PDE8B: variants seen among roughly 807,000 people sequenced by gnomAD.
The protein encoded by PDE8B is high affinity cAMP-specific and IBMX-insensitive 3',5'-cyclic phosphodiesterase 8B.
PDE8B carries 26 observed loss-of-function variants against 101.3 expected under a neutral mutation model. The observed-to-expected ratio is 0.26, with a 90% CI of 0.19 to 0.36. PDE8B has a LOEUF of 0.36. Among genes scored for constraint, PDE8B ranks in the 10% least tolerant of loss-of-function variants. PDE8B has a pLI of 1.00. For synonymous variants in PDE8B, 424 were observed against 429.3 expected, an observed-to-expected ratio of 0.99 and a Z score of 0.15; for missense variants, 810 against 1,163.1, an observed-to-expected ratio of 0.70 and a Z score of 4.42.
At chr5:77,356,122 C>CCTGCCTAAGA (rs1465999877) in intron 10 of PDE8B, among the ~76,000 whole-genome samples, 8 of 152,202 alleles carry the variant, frequency 5.3e-5, no homozygotes, top group Non-Finnish European at 1.5e-5. Context: ...CTTAGGCCAG[C>CCTGCCTAAGA]AACAGTCTGC....
At chr5:77,178,336 C>G in the PDE8B span, among the ~76,000 whole-genome samples, 1 of 152,002 alleles carries the variant, frequency 6.6e-6, no homozygotes, top group Admixed American at 6.6e-5. Context: ...TCAAACTGTC[C>G]TTTAATCTGT....
chr5:77,264,263 A>T (rs1296434909), intron 1 of PDE8B, among the ~76,000 whole-genome samples: 1 of 152,174 alleles, frequency 6.6e-6, no homozygotes, highest in African/African-American at 2.4e-5. Context: ...AGATGTTTTC[A>T]TTTCTTTCAG....
chr5:77,275,247 CACT>C (rs780728186), intron 1 of PDE8B, among the ~76,000 whole-genome samples: 63 of 152,122 alleles, frequency 4.1e-4, no homozygotes, highest in Non-Finnish European at 1.2e-4. Flanking sequence ...TCCCCTTGAT[CACT>C]ACTCCTCCAG....
At chr5:77,389,317 G>A (rs568283616) in intron 10 of PDE8B, among the ~76,000 whole-genome samples, 1 of 152,228 alleles carries the variant, frequency 6.6e-6, no homozygotes, top group Admixed American at 6.5e-5. Flanking sequence ...CCCTTGGATA[G>A]GGGAGGGAAT....
At chr5:77,271,127 G>A (rs970414517) in intron 1 of PDE8B, among the ~76,000 whole-genome samples, 1 of 152,216 alleles carries the variant, frequency 6.6e-6, no homozygotes, top group Non-Finnish European at 1.5e-5. Flanking sequence ...ATGGTGATGA[G>A]TCACTAATAT....
At chr5:77,340,726 G>A (rs939579376) in intron 6 of PDE8B, among the ~76,000 whole-genome samples, 3 of 151,944 alleles carry the variant, frequency 2.0e-5, no homozygotes, top group African/African-American at 7.3e-5. Flanking sequence ...GATTGACAGA[G>A]GAAAACACTG....
At chr5:77,246,021 T>C (rs1038074544) in intron 1 of PDE8B, among the ~76,000 whole-genome samples, 3 of 151,972 alleles carry the variant, frequency 2.0e-5, no homozygotes, top group Admixed American at 6.5e-5. Context: ...CAGCTAACTT[T>C]TTACATTTTT....
At chr5:77,187,296 C>T in the PDE8B span, among the ~76,000 whole-genome samples, 1 of 152,168 alleles carries the variant, frequency 6.6e-6, no homozygotes, top group East Asian at 1.9e-4. Flanking sequence ...GATGCAATTT[C>T]AGTTTTCTTT....
At chr5:77,145,467 G>A in the PDE8B span, 6 of 152,178 alleles carry the variant, frequency 3.9e-5, no homozygotes, top group Admixed American at 3.3e-4. Context: ...AGTAGTGATT[G>A]TACAAGCTTT....
the PDE8B span, among the ~76,000 whole-genome samples, chr5:77,198,701 A>G: frequency 6.6e-6 from 1 of 152,218 alleles, no homozygotes; most frequent in East Asian, 1.9e-4. Context: ...CTGATTTTCT[A>G]GTTGTTAATG....
rs547992261 is a variant in PDE8B at position 77,231,988 on chromosome 5, C to T, written c.339+20724C>T. ...ACAAGGGAGGCTTGTGCAGGCTGCA[C>T]AGATCAGCCTTTCAAGACACAGAGC... On this transcript the variant is annotated intron_variant, in intron 1 of 21. Transcript: ENST00000264917. Among the ~76,000 whole-genome samples, 9 of 152,358 alleles carry T rather than the reference C, an allele frequency of 5.9e-5. No individual in the cohort carries two copies. In the South Asian group the frequency reaches 6.2e-4, roughly 11 times the overall value.
chr5:77,382,120 A>G (rs925397619), intron 10 of PDE8B, among the ~76,000 whole-genome samples: 1 of 152,218 alleles, frequency 6.6e-6, no homozygotes, highest in African/African-American at 2.4e-5. Flanking sequence ...TATTATGAAA[A>G]TCTTTAACCA....
rs116717774 is a variant in PDE8B at position 77,216,384 on chromosome 5, C to T, written c.339+5120C>T. Reference sequence around the variant, plus strand: ...GAGGCCTCACAATCATGGCCAAAGGCGAAAGGCATGTCTTACATGGTGGCA... The same window carrying T: ...GAGGCCTCACAATCATGGCCAAAGGTGAAAGGCATGTCTTACATGGTGGCA... On this transcript the variant is annotated intron_variant, in intron 1 of 21. Transcript: ENST00000264917. Among the ~76,000 whole-genome samples the T allele has an allele frequency of 7.5e-3, 1,145 of 152,162 alleles. 9 individuals carry two copies. The highest frequency in any genetic ancestry group is 0.018 in the African/African-American group (732 of 41,504).
intron 19 of PDE8B, among the ~76,000 whole-genome samples, chr5:77,421,285 G>A (rs913016561): frequency 1.3e-5 from 2 of 152,178 alleles, no homozygotes; most frequent in Non-Finnish European, 2.9e-5. Context: ...ACCAAAGTGC[G>A]AGAGAGTTGG....
intron 10 of PDE8B, among the ~76,000 whole-genome samples, chr5:77,395,896 G>C (rs895902665): frequency 9.2e-5 from 14 of 152,130 alleles, no homozygotes; most frequent in African/African-American, 3.4e-4. Flanking sequence ...ACGTAGCATT[G>C]GGGCCGACCC....
chr5:77,319,435 G>A (rs982287001), intron 2 of PDE8B, among the ~76,000 whole-genome samples: 2 of 152,036 alleles, frequency 1.3e-5, no homozygotes, highest in East Asian at 1.9e-4. Context: ...CTATCTCTCC[G>A]TGATAAACCC....
At chr5:77,401,684 G>A (rs1413275156) in intron 11 of PDE8B, among the ~76,000 whole-genome samples, 3 of 151,702 alleles carry the variant, frequency 2.0e-5, no homozygotes, top group Admixed American at 6.6e-5. Context: ...TTTTCAATTG[G>A]TGGCACATAT....
chr5:77,335,979 G>A (rs1028122675), intron 5 of PDE8B, among the ~76,000 whole-genome samples: 3 of 152,020 alleles, frequency 2.0e-5, no homozygotes, highest in Non-Finnish European at 2.9e-5. Flanking sequence ...GAATCACATA[G>A]CATATATAAG....
rs575794500 is a variant in PDE8B, at chr5:77,421,993, G to T, written c.2418+5G>T. The T allele has an allele frequency of 8.7e-6, 14 of 1,613,146 alleles. No homozygotes were observed. In the South Asian group the frequency reaches 1.5e-4, roughly 18 times the overall value. ...TCTGAGGAGTATTTTGCACAGGTGC[G>T]CCATCTTTCCAGGGAAGCTCCACTT... is the stretch of plus-strand genomic sequence containing the variant. On this transcript the variant is annotated splice_donor_5th_base_variant and intron_variant, in intron 20 of 21. Coordinates refer to ENST00000264917, the MANE Select transcript of PDE8B (RefSeq NM_003719.5).
Sources: allele counts gnomAD v4.1 joint callset (sites outside exome capture counted in the v4.1 genomes callset), GRCh38; gene constraint gnomAD v4.1.1; transcripts MANE v1.5; gene names NCBI Gene and HGNC (gene_info 2026-07-23, HGNC 2026-07-21).